Variants in NAA11 observed in about 807,000 individuals in gnomAD.
NAA11 encodes N-alpha-acetyltransferase 11, NatA catalytic subunit.
A neutral mutation model predicts 16.1 loss-of-function variants in NAA11; 15 were observed. The ratio of observed to expected loss-of-function variants is 0.93; its 90% confidence interval spans 0.62 to 1.44. The LOEUF is 1.44. Ranked by LOEUF, NAA11 falls within the 40% of genes most tolerant of loss-of-function variation. The probability of loss-of-function intolerance (pLI) is 0.00; values close to 1 mark genes in which losing one functional copy is unlikely to be tolerated. For missense variants in NAA11, 298 were observed against 291.3 expected (o/e 1.02, Z -0.17); for synonymous variants, 122 against 112.4 (o/e 1.09, Z -0.54).
chr4:79,297,340 A>G (rs1171427118), intron 1 of NAA11, among the ~76,000 whole-genome samples: 2 of 152,146 alleles, frequency 1.3e-5, no homozygotes, highest in African/African-American at 4.8e-5. Flanking sequence ...AGGAGTGGAC[A>G]GAGAGGGCCT....
At chr4:79,312,077 G>A (rs958607309), downstream of NAA11, among the ~76,000 whole-genome samples, 2 of 152,158 alleles carry the variant, frequency 1.3e-5, no homozygotes, top group Admixed American at 6.5e-5. Flanking sequence ...CTTACTAAGC[G>A]ACACTGTCCC....
At chr4:79,264,418 C>T (rs186917980) in intron 2 of NAA11, among the ~76,000 whole-genome samples, 2 of 152,236 alleles carry the variant, frequency 1.3e-5, no homozygotes, top group Admixed American at 1.3e-4. Context: ...TTGCTTTGAT[C>T]TATCATTCTC....
downstream of NAA11, among the ~76,000 whole-genome samples, chr4:79,221,165 G>T (rs1389217650): frequency 1.3e-5 from 2 of 151,790 alleles, no homozygotes; most frequent in Non-Finnish European, 2.9e-5. Flanking sequence ...TCATGATGTG[G>T]CTCTCTGTTT....
chr4:79,228,750 T>G (rs1200560192), intron 2 of NAA11, among the ~76,000 whole-genome samples: 1 of 152,020 alleles, frequency 6.6e-6, no homozygotes, highest in African/African-American at 2.4e-5. Flanking sequence ...TGGACAGTTA[T>G]GAATACAGTT....
At chr4:79,197,919 A>G in the NAA11 span, among the ~76,000 whole-genome samples, 1 of 151,960 alleles carries the variant, frequency 6.6e-6, no homozygotes, top group Non-Finnish European at 1.5e-5. Context: ...TAGGTCAATA[A>G]AGGGTGTGGG....
At chr4:79,274,678 T>C (rs1722605582) in intron 2 of NAA11, among the ~76,000 whole-genome samples, 1 of 151,930 alleles carries the variant, frequency 6.6e-6, no homozygotes, top group African/African-American at 2.4e-5. Flanking sequence ...TAAAATGAAT[T>C]AGTATATGAA....
chr4:79,270,052 C>T (rs1231362451), intron 2 of NAA11, among the ~76,000 whole-genome samples: 1 of 150,822 alleles, frequency 6.6e-6, no homozygotes, highest in Admixed American at 6.6e-5. Context: ...TGTTCTGTTC[C>T]ATTGATCTAT....
the NAA11 span, among the ~76,000 whole-genome samples, chr4:79,160,304 C>G: frequency 2.6e-5 from 4 of 152,168 alleles, no homozygotes; most frequent in Admixed American, 2.0e-4. Flanking sequence ...GTTGTTTCTA[C>G]TTTTTAGCTA....
At chr4:79,199,916 G>T in the NAA11 span, among the ~76,000 whole-genome samples, 1 of 151,862 alleles carries the variant, frequency 6.6e-6, no homozygotes, top group Admixed American at 6.6e-5. Flanking sequence ...TAGAACTGGA[G>T]TCCTCTGCAT....
Position 79,325,766 on chromosome 4 carries a change from A to G in NAA11, c.112T>C (p.Trp38Arg), listed in dbSNP as rs1478553436. The change falls in exon 1 of 2, where the codon TGG becomes CGG. Residue 38 changes from tryptophan (W) to arginine (R), a missense_variant. Transcript: ENST00000286794. ...TCAGCGATGTAAGAAAGCTGGGGCC[A>G]GGAAAGGCCATGATATAAATAGTAT... ...MKYYLYHGLS[W>R]PQLSYIAEDE... 6 of 1,614,258 alleles carry G rather than the reference A, an allele frequency of 3.7e-6. No homozygotes were observed. In the African/African-American group the frequency reaches 6.7e-5, roughly 18 times the overall value.
the NAA11 span, among the ~76,000 whole-genome samples, chr4:79,199,272 T>C: frequency 1.3e-5 from 2 of 151,946 alleles, no homozygotes; most frequent in Admixed American, 6.6e-5. Context: ...TTAAGCAGTT[T>C]AAATGTGAAA....
At chr4:79,214,806 T>A in the NAA11 span, among the ~76,000 whole-genome samples, 7 of 151,680 alleles carry the variant, frequency 4.6e-5, no homozygotes, top group East Asian at 7.7e-4. Context: ...TAAAAAAAAA[T>A]AAAAATAAAA....
intron 2 of NAA11, among the ~76,000 whole-genome samples, chr4:79,265,768 T>C (rs1722331279): frequency 6.6e-6 from 1 of 152,132 alleles, no homozygotes; most frequent in African/African-American, 2.4e-5. Context: ...CTGTGTTTTT[T>C]TTTGTTTTTT....
rs747256226 is a variant in NAA11, at chr4:79,325,745, C to T, written c.133G>A (p.Ala45Thr). 5 of 1,614,100 alleles carry T rather than the reference C, an allele frequency of 3.1e-6. No homozygotes were observed. In the East Asian group the frequency reaches 6.7e-5, roughly 22 times the overall value. Residue 45 changes from alanine (A) to threonine (T), a missense_variant, in exon 1 of 2, where the codon GCT becomes ACT. Physicochemically the swap from Ala to Thr is moderately conservative, Grantham distance 58. Coordinates refer to ENST00000286794, the MANE Select transcript of NAA11 (RefSeq NM_032693.3). ...ACAATCTTCCCGTCCTCATCCTCAG[C>T]GATGTAAGAAAGCTGGGGCCAGGAA... ...GLSWPQLSYI[A>T]EDEDGKIVGY...
chr4:79,257,292 C>T (rs1199841674), intron 2 of NAA11, among the ~76,000 whole-genome samples: 1 of 152,074 alleles, frequency 6.6e-6, no homozygotes, highest in Admixed American at 6.5e-5. Context: ...TGATCTTTCT[C>T]TAGTCATTTT....
downstream of NAA11, among the ~76,000 whole-genome samples, chr4:79,315,470 C>T (rs571309489): frequency 6.6e-6 from 1 of 152,306 alleles, no homozygotes; most frequent in East Asian, 1.9e-4. Context: ...CACAAGTTTT[C>T]CTCTTTTAAC....
At position 79,325,204 on chromosome 4, in the gene NAA11, G is replaced by A. The variant is rs777823165; in HGVS notation, c.674C>T (p.Ser225Leu). 28 of 1,609,892 alleles carry A rather than the reference G, an allele frequency of 1.7e-5. No homozygotes were observed. The highest frequency in any genetic ancestry group is 2.3e-5 in the Non-Finnish European group (27 of 1,177,838). Residue 225 changes from serine (S) to leucine (L), a missense_variant, in exon 1 of 2, where the codon TCG becomes TTG. Coordinates refer to ENST00000286794, the MANE Select transcript of NAA11 (RefSeq NM_032693.3). ...AAGCATGCTCTAGGAGGTGGAATCC[G>A]AGCTTTCTGAGCTGTCCTGGACGTT... ...STNVQDSSESSDSTS is the reference protein window; with the variant it reads ...STNVQDSSESLDSTS
At chr4:79,289,505 A>G (rs1424340001) in intron 2 of NAA11, among the ~76,000 whole-genome samples, 2 of 152,184 alleles carry the variant, frequency 1.3e-5, no homozygotes, top group Non-Finnish European at 2.9e-5. Context: ...TATGTGCTTT[A>G]CATCAATTAT....
chr4:79,278,937 T>C (rs895100813), intron 2 of NAA11, among the ~76,000 whole-genome samples: 1 of 152,088 alleles, frequency 6.6e-6, no homozygotes, highest in African/African-American at 2.4e-5. Flanking sequence ...TGGGCCTTCT[T>C]GCTTCATCCT....
Sources: gnomAD v4.1 joint callset for allele counts (sites outside exome capture counted in the v4.1 genomes callset) on GRCh38, gnomAD v4.1.1 for gene constraint, MANE v1.5 for transcripts, NCBI Gene and HGNC (gene_info 2026-07-23, HGNC 2026-07-21) for gene names.